Variants in LRRC7 observed in about 807,000 individuals in gnomAD.
The protein encoded by LRRC7 is leucine rich repeat containing 7.
In LRRC7, 23 loss-of-function variants were observed where a neutral mutation model predicts 175.7. That is an observed-to-expected ratio of 0.13 (90% CI 0.09 to 0.19). LRRC7 has a LOEUF of 0.19. Ranked by LOEUF, LRRC7 falls within the 10% of genes least tolerant of loss-of-function variation. The probability of loss-of-function intolerance (pLI) is 1.00; values close to 1 mark genes in which losing one functional copy is unlikely to be tolerated. For missense variants in LRRC7, 1,354 were observed against 1,904.7 expected (o/e 0.71, Z 5.38); for synonymous variants, 685 against 680.9 (o/e 1.01, Z -0.09).
intron 1 of LRRC7, among the ~76,000 whole-genome samples, chr1:69,664,541 C>T (rs2100546947): frequency 6.6e-6 from 1 of 152,248 alleles, no homozygotes; most frequent in East Asian, 1.9e-4. Flanking sequence ...TTTTGATTTG[C>T]ATTTCTCCGA....
At position 70,116,120 on chromosome 1, in the gene LRRC7, AT is replaced by A. The variant is rs376862011; in HGVS notation, c.4621-5658del. ...ATAAATTTATTCAGATTTACTATTT[AT>A]TATCAGTTCCACACCTGAGTTTCTA... is the stretch of plus-strand genomic sequence containing the variant. On this transcript the variant is annotated intron_variant, in intron 26 of 26. Transcript: ENST00000651989. Among the ~76,000 whole-genome samples, 252 of 152,356 alleles carry A rather than the reference AT, an allele frequency of 1.7e-3. 3 individuals are homozygous for A. Among genetic ancestry groups the A allele is most frequent in the African/African-American group, 5.8e-3 (241 of 41,578 alleles).
chr1:69,614,111 AC>A (rs1649237576), intron 1 of LRRC7, among the ~76,000 whole-genome samples: 2 of 152,164 alleles, frequency 1.3e-5, no homozygotes, highest in South Asian at 4.1e-4. Flanking sequence ...AAATCTGCCT[AC>A]TTTTCATTTC....
chr1:69,779,019 CAT>C (rs71666626), intron 3 of LRRC7, among the ~76,000 whole-genome samples: 8,049 of 147,088 alleles, frequency 0.055, 567 homozygotes, highest in East Asian at 0.4. Flanking sequence ...CACACACAAA[CAT>C]ATATATATAT....
intron 7 of LRRC7, among the ~76,000 whole-genome samples, chr1:69,916,239 T>TATATACATATTTCA (rs1646710738): frequency 7.7e-6 from 1 of 129,102 alleles, no homozygotes; most frequent in African/African-American, 2.9e-5. Flanking sequence ...TAAATATATT[T>TATATACATATTTCA]TATATAAAAT....
intron 13 of LRRC7, among the ~76,000 whole-genome samples, chr1:70,013,491 A>G (rs1656702962): frequency 1.3e-5 from 2 of 152,108 alleles, no homozygotes; most frequent in South Asian, 2.1e-4. Context: ...TTGGTTTCCA[A>G]CAAATTAACT....
At chr1:70,097,621 C>A (rs946421927) in intron 25 of LRRC7, among the ~76,000 whole-genome samples, 3 of 125,598 alleles carry the variant, frequency 2.4e-5, no homozygotes, top group Non-Finnish European at 4.9e-5. Flanking sequence ...CTCCCCCCAC[C>A]CCACAACAGT....
chr1:70,082,507 T>C (rs1387357508), intron 24 of LRRC7, among the ~76,000 whole-genome samples: 1 of 152,160 alleles, frequency 6.6e-6, no homozygotes, highest in African/African-American at 2.4e-5. Context: ...ATTGACTTTA[T>C]AAGTTGTGTG....
chr1:69,570,445 C>G (rs1645695752), intron 1 of LRRC7, among the ~76,000 whole-genome samples: 2 of 151,970 alleles, frequency 1.3e-5, no homozygotes, highest in South Asian at 4.2e-4. Flanking sequence ...ACCCCCACCC[C>G]TTGCTCCAGC....
chr1:70,070,210 G>A (rs1201559611), intron 23 of LRRC7, among the ~76,000 whole-genome samples: 1 of 152,060 alleles, frequency 6.6e-6, no homozygotes, highest in Non-Finnish European at 1.5e-5. Flanking sequence ...GCCCAGGCTG[G>A]TCTTGAACTC....
intron 5 of LRRC7, among the ~76,000 whole-genome samples, chr1:69,830,394 T>C (rs1215173992): frequency 6.6e-6 from 1 of 151,892 alleles, no homozygotes; most frequent in Admixed American, 6.6e-5. Flanking sequence ...GTTTGAATTA[T>C]AAATTCTTTG....
At chr1:70,074,944 A>G (rs1460073699) in intron 23 of LRRC7, among the ~76,000 whole-genome samples, 1 of 152,318 alleles carries the variant, frequency 6.6e-6, no homozygotes, top group Non-Finnish European at 1.5e-5. Context: ...TAACGTTTTC[A>G]TAGTAATCAA....
Position 70,124,960 on chromosome 1 carries a change from C to A in LRRC7, c.*3073C>A, listed in dbSNP as rs1406332741. Among the ~76,000 whole-genome samples the A allele has an allele frequency of 1.3e-5, 2 of 152,040 alleles. No homozygotes were observed. The highest frequency in any genetic ancestry group is 2.9e-5 in the Non-Finnish European group (2 of 67,988). On this transcript the variant is annotated 3_prime_UTR_variant, in exon 27 of 27. Coordinates refer to ENST00000651989, the MANE Select transcript of LRRC7 (RefSeq NM_001370785.2). The stretch of plus-strand genomic sequence containing the variant: ...GTGATGAAAATTACTAGTAAAATTG[C>A]AAATTTTGCAAGACAAATAGATATT...
At chr1:69,756,145 A>G (rs1479514657) in intron 2 of LRRC7, among the ~76,000 whole-genome samples, 1 of 151,982 alleles carries the variant, frequency 6.6e-6, no homozygotes, top group Non-Finnish European at 1.5e-5. Flanking sequence ...TCTTGTAAGT[A>G]AAAATATGCT....
chr1:69,939,680 T>C (rs1057067939), intron 8 of LRRC7, among the ~76,000 whole-genome samples: 1 of 152,120 alleles, frequency 6.6e-6, no homozygotes, highest in African/African-American at 2.4e-5. Context: ...GTGTTGATTT[T>C]TGTGACTCCA....
chr1:69,762,004 A>G (rs1294399974), intron 3 of LRRC7, among the ~76,000 whole-genome samples: 1 of 152,134 alleles, frequency 6.6e-6, no homozygotes, highest in East Asian at 1.9e-4. Flanking sequence ...ACACCCAGTT[A>G]TATTTTACTT....
chr1:69,601,342 C>T (rs908229699), intron 1 of LRRC7, among the ~76,000 whole-genome samples: 1 of 152,150 alleles, frequency 6.6e-6, no homozygotes, highest in Admixed American at 6.5e-5. Flanking sequence ...CAACTCTAAT[C>T]CATTACTGCG....
intron 4 of LRRC7, among the ~76,000 whole-genome samples, chr1:69,797,480 A>G (rs191420881): frequency 2.0e-5 from 3 of 152,168 alleles, no homozygotes; most frequent in Admixed American, 6.5e-5. Flanking sequence ...TTCTCTGTTA[A>G]TGTTACTATG....
At chr1:69,955,363 T>C (rs1304117594) in intron 8 of LRRC7, among the ~76,000 whole-genome samples, 1 of 151,966 alleles carries the variant, frequency 6.6e-6, no homozygotes, top group African/African-American at 2.4e-5. Flanking sequence ...GAAATGATAT[T>C]GCAATGAAAT....
At chr1:69,916,680 C>T (rs1210369433) in intron 7 of LRRC7, among the ~76,000 whole-genome samples, 1 of 152,166 alleles carries the variant, frequency 6.6e-6, no homozygotes, top group Middle Eastern at 3.4e-3. Context: ...ATTCCAGCTT[C>T]TTACTGGTAA....
Sources: gnomAD v4.1 joint callset for allele counts (sites outside exome capture counted in the v4.1 genomes callset) on GRCh38, gnomAD v4.1.1 for gene constraint, MANE v1.5 for transcripts, NCBI Gene and HGNC (gene_info 2026-07-23, HGNC 2026-07-21) for gene names.